Variants in PLXNA4 observed in about 807,000 individuals in gnomAD.
The protein encoded by PLXNA4 is plexin-A4.
In PLXNA4, 44 loss-of-function variants were observed where a neutral mutation model predicts 191.8. The observed-to-expected ratio is 0.23, with a 90% confidence interval of 0.18 to 0.29. The LOEUF is 0.29. PLXNA4 is among the 10% of genes least tolerant of loss of function. PLXNA4 has a pLI of 1.00. For synonymous variants in PLXNA4, 1,082 were observed against 1,009.5 expected (o/e 1.07, Z -1.36); for missense variants, 1,800 against 2,488.8 (o/e 0.72, Z 5.89).
At chr7:132,202,616 T>C (rs2116862987) in intron 12 of PLXNA4, 30 bp downstream of exon 12, 1 of 1,438,622 alleles carries the variant, frequency 7.0e-7, no homozygotes, top group Non-Finnish European at 9.2e-7. Flanking sequence ...AGCCTGCCCA[T>C]TTGGAGCAGG....
chr7:132,287,385 G>A (rs891561807), intron 4 of PLXNA4, among the ~76,000 whole-genome samples: 11 of 152,182 alleles, frequency 7.2e-5, no homozygotes, highest in East Asian at 1.9e-4. Context: ...AGCCTACTAC[G>A]TGCTAGGCAC....
chr7:132,232,852 A>G (rs768559), intron 5 of PLXNA4, among the ~76,000 whole-genome samples: 7,269 of 152,270 alleles, frequency 0.048, 593 homozygotes, highest in African/African-American at 0.16. Flanking sequence ...GCCGCTGGCC[A>G]GGCAAACAAA....
intron 3 of PLXNA4, among the ~76,000 whole-genome samples, chr7:132,317,718 T>G (rs1802001656): frequency 6.6e-6 from 1 of 152,122 alleles, no homozygotes; most frequent in Non-Finnish European, 1.5e-5. Context: ...CTACCATGAG[T>G]TTACCATGAC....
chr7:132,424,900 G>C (rs546170003), intron 3 of PLXNA4, among the ~76,000 whole-genome samples: 1 of 152,308 alleles, frequency 6.6e-6, no homozygotes, highest in Admixed American at 6.5e-5. Context: ...TGCCCTCCAC[G>C]CATCGTCCAG....
chr7:132,422,317 C>T (rs1279159572), intron 3 of PLXNA4, among the ~76,000 whole-genome samples: 6 of 152,206 alleles, frequency 3.9e-5, no homozygotes, highest in Non-Finnish European at 8.8e-5. Flanking sequence ...AGATGAACAT[C>T]TATTTGGGAT....
At chr7:132,345,801 T>G (rs1340639690) in intron 3 of PLXNA4, among the ~76,000 whole-genome samples, 3 of 152,194 alleles carry the variant, frequency 2.0e-5, no homozygotes, top group Non-Finnish European at 4.4e-5. Context: ...CAGACAAAGA[T>G]AAAGACACAC....
chr7:132,405,501 T>C (rs769694290), intron 3 of PLXNA4, among the ~76,000 whole-genome samples: 12 of 152,060 alleles, frequency 7.9e-5, no homozygotes, highest in Non-Finnish European at 1.3e-4. Context: ...CCACAGGAAA[T>C]GGAGAGTCCT....
chr7:132,495,848 G>A (rs938757379), intron 2 of PLXNA4, among the ~76,000 whole-genome samples: 15 of 152,152 alleles, frequency 9.9e-5, no homozygotes, highest in Non-Finnish European at 1.9e-4. Context: ...AACTCCCTGC[G>A]TTCAGCAAGG....
At chr7:132,542,456 AT>A (rs1187918905) in intron 1 of PLXNA4, among the ~76,000 whole-genome samples, 7 of 152,186 alleles carry the variant, frequency 4.6e-5, no homozygotes, top group Non-Finnish European at 1.0e-4. Flanking sequence ...TCAATTTTCT[AT>A]GTTTGTACTG....
At chr7:132,289,213 G>A (rs1800793644) in intron 4 of PLXNA4, among the ~76,000 whole-genome samples, 1 of 152,172 alleles carries the variant, frequency 6.6e-6, no homozygotes, top group South Asian at 2.1e-4. Context: ...GAAGGAAAGG[G>A]ACAGGACAAC....
intron 1 of PLXNA4, among the ~76,000 whole-genome samples, chr7:132,571,661 T>C (rs1041190945): frequency 1.3e-5 from 2 of 152,184 alleles, no homozygotes; most frequent in Non-Finnish European, 2.9e-5. Context: ...TTAGCTTCTA[T>C]GCTATCAAAA....
chr7:132,311,885 G>A (rs548107270), intron 3 of PLXNA4, among the ~76,000 whole-genome samples: 1 of 152,136 alleles, frequency 6.6e-6, no homozygotes, highest in African/African-American at 2.4e-5. Flanking sequence ...GAGCTGAGAA[G>A]GGCATCCCTG....
intron 21 of PLXNA4, among the ~76,000 whole-genome samples, chr7:132,172,826 A>C (rs559710346): frequency 6.6e-6 from 1 of 152,268 alleles, no homozygotes; most frequent in African/African-American, 2.4e-5. Flanking sequence ...TGGAATTTTG[A>C]ACTCATGAAG....
intron 25 of PLXNA4, among the ~76,000 whole-genome samples, chr7:132,153,652 C>T (rs1795709024): frequency 6.6e-6 from 1 of 152,156 alleles, no homozygotes; most frequent in African/African-American, 2.4e-5. Flanking sequence ...AGATCCTCCA[C>T]AGGCCAACCT....
intron 2 of PLXNA4, among the ~76,000 whole-genome samples, chr7:132,625,391 T>C (rs1803350914): frequency 6.6e-6 from 1 of 152,204 alleles, no homozygotes; most frequent in South Asian, 2.1e-4. Context: ...CTAATACACA[T>C]TATGTGAGTT....
intron 11 of PLXNA4, 24 bp downstream of exon 11, chr7:132,203,299 T>C (rs1797504422): frequency 1.8e-6 from 2 of 1,113,148 alleles, no homozygotes; most frequent in Admixed American, 3.5e-5. Context: ...CTCCCTCCCC[T>C]GCTAGGCCCC....
chr7:132,503,623 G>A (rs536995494), intron 2 of PLXNA4, among the ~76,000 whole-genome samples: 1 of 152,218 alleles, frequency 6.6e-6, no homozygotes, highest in Non-Finnish European at 1.5e-5. Flanking sequence ...TGCAGACAGG[G>A]GGCCTCAGGG....
chr7:132,251,051 CTT>C (rs34455636), intron 4 of PLXNA4, among the ~76,000 whole-genome samples: 8,331 of 129,928 alleles, frequency 0.064, 487 homozygotes, highest in East Asian at 0.31. Flanking sequence ...CTGTTCCAGC[CTT>C]TTTTTTTTTT....
At chr7:132,228,243 CTTG>C in intron 6 of PLXNA4, 100 bp downstream of exon 6, 1 of 1,505,088 alleles carries the variant, frequency 6.6e-7, no homozygotes, top group South Asian at 1.3e-5. Context: ...GCTGGCCGGG[CTTG>C]GCCCAGTCCT....
Sources: allele counts gnomAD v4.1 joint callset (sites outside exome capture counted in the v4.1 genomes callset), GRCh38; gene constraint gnomAD v4.1.1; transcripts MANE v1.5; gene names NCBI Gene and HGNC (gene_info 2026-07-23, HGNC 2026-07-21).